The following CFAP36 variants were observed in gnomAD, a reference collection of about 807,000 sequenced individuals.
The protein encoded by CFAP36 is cilia and flagella associated protein 36.
A neutral mutation model predicts 50.5 loss-of-function variants in CFAP36; 37 were observed. The ratio of observed to expected loss-of-function variants is 0.73; its 90% CI spans 0.56 to 0.96. The LOEUF (loss-of-function observed/expected upper bound fraction) is 0.96, where lower values mean the gene tolerates loss of function less well. Ranked by LOEUF, CFAP36 falls within the 50% of genes least tolerant of loss-of-function variation. The pLI is 0.00. For missense variants in CFAP36, 407 were observed against 396.2 expected, an observed-to-expected ratio of 1.03 and a Z score of -0.23; for synonymous variants, 138 against 128.2, an observed-to-expected ratio of 1.08 and a Z score of -0.52.
intron 5 of CFAP36, among the ~76,000 whole-genome samples, chr2:55,534,777 T>C (rs942074132): frequency 1.3e-5 from 2 of 152,194 alleles, no homozygotes; most frequent in Admixed American, 6.5e-5. Context: ...CATCCTACAG[T>C]TCCCCCCACT....
chr2:55,536,027 A>C, intron 6 of CFAP36: 2 of 559,112 alleles, frequency 3.6e-6, no homozygotes, highest in Non-Finnish European at 5.3e-6. Flanking sequence ...CAGGACATGC[A>C]TATAAGCAAG....
At chr2:55,530,140 G>C (rs967015400) in intron 4 of CFAP36, among the ~76,000 whole-genome samples, 2 of 152,186 alleles carry the variant, frequency 1.3e-5, no homozygotes, top group Admixed American at 1.3e-4. Flanking sequence ...GGGGGCAGGT[G>C]TTCCCCATGC....
intron 5 of CFAP36, 26 bp from the exon 6 acceptor site, chr2:55,535,686 T>C: frequency 6.7e-7 from 1 of 1,493,048 alleles, no homozygotes. Flanking sequence ...AAATTTATCT[T>C]TTTATCTTAT....
intron 3 of CFAP36, among the ~76,000 whole-genome samples, chr2:55,526,479 C>T (rs552321294): frequency 1.9e-3 from 293 of 152,282 alleles, no homozygotes; most frequent in African/African-American, 6.6e-3. Flanking sequence ...TCTTTCTCTG[C>T]CACCCTGGCT....
In CFAP36 at chr2:55,519,754, T is replaced by C; in HGVS notation, c.-48T>C. On this transcript the variant is annotated 5_prime_UTR_variant, in exon 1 of 10. Coordinates refer to ENST00000349456, the MANE Select transcript of CFAP36 (RefSeq NM_080667.7). ...TTGTGGCCCAAAGGCCTAACCGGGG[T>C]CCGGCGGTCTGGCCTAGGGATCTTC... 1 of 1,592,216 alleles carries C rather than the reference T, an allele frequency of 6.3e-7. No homozygotes were observed. Among genetic ancestry groups the C allele is most frequent in the East Asian group, 2.2e-5 (1 of 44,744 alleles).
chr2:55,524,323 A>G (rs1684145449), intron 3 of CFAP36, among the ~76,000 whole-genome samples: 1 of 152,000 alleles, frequency 6.6e-6, no homozygotes, highest in African/African-American at 2.4e-5. Context: ...GTGTGATTGC[A>G]GCTCATTATA....
At chr2:55,532,263 T>A (rs1423478579) in intron 4 of CFAP36, among the ~76,000 whole-genome samples, 2 of 151,336 alleles carry the variant, frequency 1.3e-5, no homozygotes, top group Non-Finnish European at 2.9e-5. Flanking sequence ...GATCCAGGGG[T>A]GAATACCTTA....
At position 55,535,757 on chromosome 2, in the gene CFAP36, A is replaced by G. The variant is rs770138612; in HGVS notation, c.531A>G (p.Lys177=). ...EYDQEEERKR[K]KQLSEAKTEE... ...ACCAGGAAGAAGAAAGGAAGAGGAA[A>G]AAACAGGTGCCTACAGAACATATAA... Residue 177 remains lysine, a synonymous_variant, in exon 6 of 10, where the codon AAA becomes AAG. Coordinates refer to ENST00000349456, the MANE Select transcript of CFAP36 (RefSeq NM_080667.7). 7.3e-5 allele frequency: 114 copies of G among 1,556,164 alleles called. No homozygotes were observed. Among genetic ancestry groups the G allele is most frequent in the Non-Finnish European group, 9.4e-5 (109 of 1,160,440 alleles).
At position 55,534,187 on chromosome 2, in the gene CFAP36, C is replaced by T. The variant is rs151121269; in HGVS notation, c.485+227C>T. 3.6e-3 allele frequency among the ~76,000 whole-genome samples: 542 copies of T among 152,258 alleles called. 4 individuals carry two copies. The highest frequency in any genetic ancestry group is 0.011 in the African/African-American group (451 of 41,544). ...GTCCAAATGAAAGGGTCTTTTTACA[C>T]CCGCATCATAGGAATAGGAAAGTAG... On this transcript the variant is annotated intron_variant, in intron 5 of 9. Coordinates refer to ENST00000349456, the MANE Select transcript of CFAP36 (RefSeq NM_080667.7).
At chr2:55,543,517 T>C (rs1374566074) in intron 7 of CFAP36, among the ~76,000 whole-genome samples, 1 of 152,238 alleles carries the variant, frequency 6.6e-6, no homozygotes, top group East Asian at 1.9e-4. Flanking sequence ...CATTAATTGT[T>C]CTGAAAGTAT....
rs1195567856 is a variant in CFAP36 at position 55,532,152 on chromosome 2, T to C, written c.398-1721T>C. ...TTCTGTTTGAGGCTGCAGTGAGCTA[T>C]GATAGTACCACTGCGTGCCAGCCTG... On this transcript the variant is annotated intron_variant, in intron 4 of 9. Coordinates refer to ENST00000349456, the MANE Select transcript of CFAP36 (RefSeq NM_080667.7). 2.6e-5 allele frequency among the ~76,000 whole-genome samples: 4 copies of C among 151,178 alleles called. No individual in the cohort carries two copies. In the East Asian group the frequency reaches 7.8e-4, roughly 30 times the overall value.
chr2:55,544,948 A>G lies in CFAP36; in HGVS notation c.969A>G (p.Gln323=). ...EKPEMTAEEK[Q]TLLKRRLLAE... ...CAGAAATGACAGCAGAGGAGAAGCA[A>G]ACATTACTAAAGAGGAGATTGCTTG... The change falls in exon 10 of 10, where the codon CAA becomes CAG. Residue 323 remains glutamine, a synonymous_variant. Transcript: ENST00000349456. 6.2e-7 allele frequency: 1 copy of G among 1,607,388 alleles called. No individual in the cohort carries two copies. The highest frequency in any genetic ancestry group is 8.5e-7 in the Non-Finnish European group (1 of 1,178,132).
Position 55,519,748 on chromosome 2 carries a change from C to G in CFAP36, c.-54C>G. The stretch of plus-strand genomic sequence containing the variant: ...GGCTCCTTGTGGCCCAAAGGCCTAA[C>G]CGGGGTCCGGCGGTCTGGCCTAGGG... On this transcript the variant is annotated 5_prime_UTR_variant, in exon 1 of 10. Coordinates refer to ENST00000349456, the MANE Select transcript of CFAP36 (RefSeq NM_080667.7). 6.3e-7 allele frequency: 1 copy of G among 1,587,132 alleles called. No individual in the cohort carries two copies. The highest frequency in any genetic ancestry group is 8.6e-7 in the Non-Finnish European group (1 of 1,156,296).
rs1684465538 is a variant in CFAP36 at position 55,535,759 on chromosome 2, A to C, written c.533A>C (p.Lys178Thr). ...CAGGAAGAAGAAAGGAAGAGGAAAA[A>C]ACAGGTGCCTACAGAACATATAACA... ...YDQEEERKRKKQLSEAKTEEP... is the reference protein window; with the variant it reads ...YDQEEERKRKTQLSEAKTEEP... Residue 178 changes from lysine to threonine, a missense_variant, in exon 6 of 10, where the codon AAA becomes ACA. By Grantham distance (78) the Lys-to-Thr change is moderately conservative. Coordinates refer to ENST00000349456, the MANE Select transcript of CFAP36 (RefSeq NM_080667.7). The C allele has an allele frequency of 6.4e-7, 1 of 1,556,892 alleles. No homozygotes were observed. The highest frequency in any genetic ancestry group is 8.6e-7 in the Non-Finnish European group (1 of 1,160,552).
chr2:55,522,045 T>G (rs746036592), intron 1 of CFAP36, 57 bp from the exon 2 acceptor site: 8 of 865,094 alleles, frequency 9.2e-6, no homozygotes, highest in Non-Finnish European at 1.5e-5. Context: ...ATTTTTAAAT[T>G]TGCATTAATA....
chr2:55,541,216 C>T (rs1206783281), intron 7 of CFAP36, among the ~76,000 whole-genome samples: 1 of 149,872 alleles, frequency 6.7e-6, no homozygotes, highest in Non-Finnish European at 1.5e-5. Flanking sequence ...GCTAGCTACT[C>T]GGGAGGCTGA....
intron 7 of CFAP36, among the ~76,000 whole-genome samples, chr2:55,541,164 A>C (rs1684629138): frequency 6.6e-6 from 1 of 152,120 alleles, no homozygotes; most frequent in South Asian, 2.1e-4. Flanking sequence ...CTCTACAAAA[A>C]ATACAAAAAA....
intron 5 of CFAP36, among the ~76,000 whole-genome samples, chr2:55,535,445 G>C (rs1684455740): frequency 6.6e-6 from 1 of 152,172 alleles, no homozygotes; most frequent in African/African-American, 2.4e-5. Context: ...CAAATCTGTT[G>C]ATCTTTATTC....
intron 1 of CFAP36, 135 bp downstream of exon 1, chr2:55,520,051 C>T (rs1363499405): frequency 9.4e-6 from 7 of 744,368 alleles, no homozygotes; most frequent in Non-Finnish European, 1.6e-5. Context: ...TCTCGTTCCC[C>T]TCACCACCTT....
Sources: allele counts gnomAD v4.1 joint callset (sites outside exome capture counted in the v4.1 genomes callset), GRCh38; gene constraint gnomAD v4.1.1; transcripts MANE v1.5; gene names NCBI Gene and HGNC (gene_info 2026-07-23, HGNC 2026-07-21).